Variants in EDA observed in about 807,000 individuals in gnomAD.
EDA encodes the protein ectodysplasin A, also known as ectodysplasin-A.
A neutral mutation model predicts 23.6 loss-of-function variants in EDA; 2 were observed. That is an observed-to-expected ratio of 0.08 (90% confidence interval 0.03 to 0.27). The LOEUF (loss-of-function observed/expected upper bound fraction) is 0.27, where lower values mean the gene tolerates loss of function less well. Ranked by LOEUF, EDA falls within the 10% of genes least tolerant of loss-of-function variation. EDA has a pLI of 1.00. For synonymous variants in EDA, 131 were observed against 132.0 expected, an observed-to-expected ratio of 0.99 and a Z score of 0.05; for missense variants, 229 against 324.2, an observed-to-expected ratio of 0.71 and a Z score of 2.26.
chrX:69,911,071 G>A (rs752461872), intron 1 of EDA, among the ~76,000 whole-genome samples: 1 of 112,029 alleles, frequency 8.9e-6, no homozygotes, highest in African/African-American at 3.2e-5. Flanking sequence ...TAGACCCTCT[G>A]GATTCTGTTA....
At position 69,616,368 on chromosome X, in the gene EDA, A is replaced by C. The variant is rs183801635; in HGVS notation, c.60A>C (p.Arg20=). The C allele has an allele frequency of 3.2e-4, 382 of 1,206,729 alleles. No homozygotes were observed. The highest frequency in any genetic ancestry group is 2.4e-4 in the Non-Finnish European group (217 of 894,471). Residue 20 remains arginine (R), a synonymous_variant, in exon 1 of 8, where the codon CGA becomes CGC. Coordinates refer to ENST00000374552, the MANE Select transcript of EDA (RefSeq NM_001399.5). ...TGCCTGCAGCAGCGCCGCGGGAGCG[A>C]GGGAGCCAGGGCTGCGGGTGTGGCG... is the stretch of plus-strand genomic sequence containing the variant. ...ELLPAAAPRE[R]GSQGCGCGGA...
At chrX:70,033,624 A>C in intron 7 of EDA, 96 bp downstream of exon 7, 19 of 883,400 alleles carry the variant, frequency 2.2e-5, no homozygotes, top group East Asian at 9.4e-5. Flanking sequence ...AGACCATCCA[A>C]TGGCTAACTT....
intron 2 of EDA, among the ~76,000 whole-genome samples, chrX:69,976,836 A>G (rs1476883362): frequency 9.0e-6 from 1 of 111,558 alleles, no homozygotes; most frequent in East Asian, 2.8e-4. Flanking sequence ...TTTTCTTTTC[A>G]AATTGCCTGA....
chrX:69,759,241 G>A (rs1271987176), intron 1 of EDA, among the ~76,000 whole-genome samples: 1 of 112,019 alleles, frequency 8.9e-6, no homozygotes, highest in African/African-American at 3.2e-5. Context: ...TGTATAGTAG[G>A]AGTGAATAAG....
At chrX:69,645,533 C>A (rs765970369) in intron 1 of EDA, among the ~76,000 whole-genome samples, 15 of 93,452 alleles carry the variant, frequency 1.6e-4, no homozygotes, top group Admixed American at 9.9e-4. Context: ...TTTGTTATTT[C>A]TTGTCCTCTG....
At chrX:69,849,481 T>C (rs2017080511) in intron 1 of EDA, among the ~76,000 whole-genome samples, 1 of 112,073 alleles carries the variant, frequency 8.9e-6, no homozygotes, top group African/African-American at 3.2e-5. Context: ...CTAAGTTTCG[T>C]ATACTAACCT....
chrX:69,634,277 G>T (rs983877465), intron 1 of EDA, among the ~76,000 whole-genome samples: 1 of 111,228 alleles, frequency 9.0e-6, no homozygotes, highest in Admixed American at 9.5e-5. Flanking sequence ...GATAAAATTT[G>T]CAAATATTTT....
At chrX:69,963,566 G>A (rs752762546) in intron 2 of EDA, among the ~76,000 whole-genome samples, 105 of 112,207 alleles carry the variant, frequency 9.4e-4, no homozygotes, top group African/African-American at 3.0e-3. Flanking sequence ...GAGTGGCTTT[G>A]TATCAAATAA....
At chrX:69,997,678 C>T (rs2019679368) in intron 2 of EDA, among the ~76,000 whole-genome samples, 1 of 112,471 alleles carries the variant, frequency 8.9e-6, no homozygotes, top group African/African-American at 3.2e-5. Flanking sequence ...GGCCTGGAGG[C>T]CTAGGAGGGA....
intron 1 of EDA, chrX:69,616,988 C>A (rs1931990018): frequency 4.7e-6 from 2 of 423,959 alleles, no homozygotes; most frequent in Non-Finnish European, 8.4e-6. Context: ...ACGCTCCCGT[C>A]GAGGAGGTGC....
intron 1 of EDA, among the ~76,000 whole-genome samples, chrX:69,826,508 A>G (rs1276137607): frequency 1.1e-4 from 12 of 109,392 alleles, no homozygotes; most frequent in Non-Finnish European, 2.1e-4. Flanking sequence ...TTTATCAGAG[A>G]CTAGGATTGC....
intron 1 of EDA, among the ~76,000 whole-genome samples, chrX:69,873,409 A>G (rs2017596219): frequency 8.9e-6 from 1 of 112,371 alleles, no homozygotes; most frequent in Admixed American, 9.4e-5. Flanking sequence ...GAGCAGAACT[A>G]AATGAAATTG....
At chrX:69,828,055 G>A (rs1264631735) in intron 1 of EDA, among the ~76,000 whole-genome samples, 2 of 110,767 alleles carry the variant, frequency 1.8e-5, no homozygotes, top group East Asian at 2.9e-4. Context: ...CAGTCTGCCC[G>A]TTCTCAGATC....
chrX:69,926,487 T>C (rs1303160482), intron 1 of EDA, among the ~76,000 whole-genome samples: 3 of 112,100 alleles, frequency 2.7e-5, no homozygotes, highest in African/African-American at 9.7e-5. Flanking sequence ...TTCTTAATCC[T>C]GAGTCCTAAT....
intron 1 of EDA, among the ~76,000 whole-genome samples, chrX:69,799,387 A>G (rs1381432982): frequency 2.7e-5 from 3 of 111,062 alleles, no homozygotes; most frequent in Non-Finnish European, 5.7e-5. Flanking sequence ...AACAATCAAC[A>G]AAGTGTAGGA....
chrX:69,737,327 T>C (rs2013299661), intron 1 of EDA, among the ~76,000 whole-genome samples: 1 of 112,288 alleles, frequency 8.9e-6, no homozygotes, highest in Non-Finnish European at 1.9e-5. Context: ...TTTATCTTCT[T>C]TTCTTGCCTT....
At chrX:70,025,866 ACCTTCCTTT>A (rs1393803090) in intron 3 of EDA, among the ~76,000 whole-genome samples, 1 of 111,794 alleles carries the variant, frequency 8.9e-6, no homozygotes, top group Non-Finnish European at 1.9e-5. Context: ...TGTTCTCTGG[ACCTTCCTTT>A]CCTTCCTTTC....
At chrX:69,910,390 T>A (rs201255805) in intron 1 of EDA, among the ~76,000 whole-genome samples, 9,882 of 96,287 alleles carry the variant, frequency 0.1, 566 homozygotes, top group East Asian at 0.14. Context: ...TGTGTGTGTG[T>A]GTGTGTGTGT....
chrX:69,749,517 G>T (rs1462928795), intron 1 of EDA, among the ~76,000 whole-genome samples: 1 of 110,092 alleles, frequency 9.1e-6, no homozygotes, highest in Non-Finnish European at 1.9e-5. Flanking sequence ...TCACCACACT[G>T]ACTTCCACAA....
Sources: allele counts gnomAD v4.1 joint callset (sites outside exome capture counted in the v4.1 genomes callset), GRCh38; gene constraint gnomAD v4.1.1; transcripts MANE v1.5; gene names NCBI Gene and HGNC (gene_info 2026-07-23, HGNC 2026-07-21).